The following SCUBE1 variants were observed in gnomAD, a reference collection of about 807,000 sequenced individuals.
The protein encoded by SCUBE1 is signal peptide, CUB domain and EGF like domain containing 1, also known as signal peptide, CUB and EGF-like domain-containing protein 1.
In SCUBE1, 59 loss-of-function variants were observed where a neutral mutation model predicts 124.4. The observed-to-expected ratio is 0.47, with a 90% confidence interval of 0.38 to 0.59. The LOEUF is 0.59. SCUBE1 is among the 20% of genes least tolerant of loss of function. SCUBE1 has a pLI of 0.00. For missense variants in SCUBE1, 1,150 were observed against 1,371.2 expected, an observed-to-expected ratio of 0.84 and a Z score of 2.55; for synonymous variants, 545 against 550.9, an observed-to-expected ratio of 0.99 and a Z score of 0.15.
At position 43,208,224 on chromosome 22, in the gene SCUBE1, G is replaced by A. The variant is rs372004588; in HGVS notation, c.2582C>T (p.Ala861Val). 6.2e-7 allele frequency: 1 copy of A among 1,613,884 alleles called. No individual in the cohort carries two copies. Among genetic ancestry groups the A allele is most frequent in the East Asian group, 2.2e-5 (1 of 44,884 alleles). The change falls in exon 20 of 22, where the codon GCC (alanine) becomes GTC (valine). Residue 861 changes from alanine to valine, a missense_variant and splice_region_variant. This residue lies in a region of SCUBE1 where 757 missense variants were observed against 840.9 expected (regional missense o/e 0.90). Coordinates refer to ENST00000360835, the MANE Select transcript of SCUBE1 (RefSeq NM_173050.5). ...CGDVLVMRKS[A>V]SPTSITTYET... ...ATAGGTGGTGATGGACGTGGGAGAG[G>A]CTGCGGGTGAAGCATCATTGCTGAG...
chr22:43,322,076 C>G (rs527690444), intron 2 of SCUBE1, among the ~76,000 whole-genome samples: 1 of 152,234 alleles, frequency 6.6e-6, no homozygotes, highest in East Asian at 1.9e-4. Context: ...CCTCCACCTC[C>G]TGGGTTCAAG....
In SCUBE1 at chr22:43,198,740, G is replaced by T. The variant is rs1160819464; in HGVS notation, c.*5257C>A. 2.2e-6 allele frequency: 1 copy of T among 456,562 alleles called. No homozygotes were observed. The highest frequency in any genetic ancestry group is 4.4e-6 in the Non-Finnish European group (1 of 226,862). 28.3% of individuals were successfully genotyped at this position (456,562 alleles called of 1,614,324 possible). A position where few individuals can be genotyped will look rare whatever the true frequency, so the allele number is the denominator to read the frequency against. ...AATGGCTGGACTCCCTGGGTGAGAA[G>T]GAAGGCTTCTCCCTGTGGGGCATGC... On this transcript the variant is annotated 3_prime_UTR_variant, in exon 22 of 22. Coordinates refer to ENST00000360835, the MANE Select transcript of SCUBE1 (RefSeq NM_173050.5).
chr22:43,252,304 G>A (rs905155639), intron 6 of SCUBE1, among the ~76,000 whole-genome samples: 6 of 152,162 alleles, frequency 3.9e-5, no homozygotes, highest in African/African-American at 4.8e-5. Context: ...CCACAATCCC[G>A]GCTCTGTCCT....
intron 3 of SCUBE1, among the ~76,000 whole-genome samples, chr22:43,316,032 C>T (rs1330620115): frequency 6.6e-6 from 1 of 152,114 alleles, no homozygotes; most frequent in East Asian, 1.9e-4. Flanking sequence ...CTGGTCCCCA[C>T]GAGGTCTTGG....
intron 3 of SCUBE1, chr22:43,317,121 G>A (rs191807241): frequency 1.4e-4 from 22 of 152,276 alleles, no homozygotes; most frequent in Admixed American, 1.2e-3. Flanking sequence ...CTAAGGAAAC[G>A]ATTGGGAAAA....
At chr22:43,239,416 C>T (rs539415658) in intron 6 of SCUBE1, among the ~76,000 whole-genome samples, 4 of 152,384 alleles carry the variant, frequency 2.6e-5, no homozygotes, top group South Asian at 4.1e-4. Context: ...CTTGTGGCCC[C>T]GGCCAGGGAG....
chr22:43,257,008 C>T (rs992760552), intron 6 of SCUBE1, among the ~76,000 whole-genome samples: 2 of 152,150 alleles, frequency 1.3e-5, no homozygotes, highest in African/African-American at 4.8e-5. Context: ...GGGACCATCA[C>T]CAGAAAAGCA....
chr22:43,222,565 CCCCCGCCAGCATGTTGCTGGATGCAGT>C, intron 12 of SCUBE1, 46 bp downstream of exon 12: 1 of 1,200,892 alleles, frequency 8.3e-7, no homozygotes. Flanking sequence ...GCCCTTTCCT[CCCCCGCCAGCATGTTGCTGGATGCAGT>C]CAAGTCACCC....
chr22:43,199,177 A>G lies in SCUBE1; in HGVS notation c.*4820T>C. 1 of 178,464 alleles carries G rather than the reference A, an allele frequency of 5.6e-6. No homozygotes were observed. Among genetic ancestry groups the G allele is most frequent in the East Asian group, 1.4e-4 (1 of 6,954 alleles). The allele number at this position is 178,464 out of a possible 1,614,324, so 11.1% of individuals were successfully genotyped here. On this transcript the variant is annotated 3_prime_UTR_variant, in exon 22 of 22. Transcript: ENST00000360835. The stretch of plus-strand genomic sequence containing the variant: ...CCTGGCACACAGGAGGTGCTCAGTA[A>G]ATGTTTGCGAAATGACTCAACTTAT...
intron 4 of SCUBE1, among the ~76,000 whole-genome samples, chr22:43,289,862 T>C (rs1925289805): frequency 6.6e-6 from 1 of 151,676 alleles, no homozygotes; most frequent in African/African-American, 2.4e-5. Flanking sequence ...GCGTGCCCTT[T>C]GGTTCCCCAT....
intron 21 of SCUBE1, 82 bp from the exon 22 acceptor site, chr22:43,204,231 G>T: frequency 7.7e-7 from 1 of 1,297,892 alleles, no homozygotes; most frequent in Non-Finnish European, 1.1e-6. Flanking sequence ...GGGGAGGGGA[G>T]AGAGATGCGC....
rs1386301346 is a variant in SCUBE1, at chr22:43,217,226, G to A, written c.1891+1029C>T. Among the ~76,000 whole-genome samples, 4 of 149,122 alleles carry A rather than the reference G, an allele frequency of 2.7e-5. No homozygotes were observed. In the South Asian group the frequency reaches 8.5e-4, roughly 32 times the overall value. On this transcript the variant is annotated intron_variant, in intron 15 of 21. Transcript: ENST00000360835. Reference sequence around the variant, plus strand: ...ACACCCCTGGCCAACCCTATTGTTTGAGGCTTCGGACTTGTGGCTGCAACT... The same window carrying A: ...ACACCCCTGGCCAACCCTATTGTTTAAGGCTTCGGACTTGTGGCTGCAACT...
intron 15 of SCUBE1, among the ~76,000 whole-genome samples, chr22:43,216,074 T>A (rs1165030464): frequency 2.6e-5 from 4 of 151,892 alleles, no homozygotes; most frequent in Admixed American, 1.3e-4. Flanking sequence ...TGGGATGGAG[T>A]CTCGCTCTGT....
chr22:43,306,388 C>T (rs746747431), intron 3 of SCUBE1, among the ~76,000 whole-genome samples: 11 of 152,100 alleles, frequency 7.2e-5, no homozygotes, highest in Non-Finnish European at 1.3e-4. Context: ...GTGTCTGCAG[C>T]GAGTGTTTTC....
intron 4 of SCUBE1, among the ~76,000 whole-genome samples, chr22:43,279,385 C>G (rs1924669421): frequency 6.6e-6 from 1 of 152,204 alleles, no homozygotes; most frequent in Admixed American, 6.5e-5. Context: ...ACTTAGGAGG[C>G]TGAGTGCCAG....
intron 9 of SCUBE1, among the ~76,000 whole-genome samples, chr22:43,228,503 C>A (rs888504751): frequency 2.0e-5 from 3 of 152,222 alleles, no homozygotes; most frequent in Non-Finnish European, 2.9e-5. Flanking sequence ...AATAAACCCT[C>A]AACTCCCCTG....
rs1333331336 is a variant in SCUBE1 at position 43,227,506 on chromosome 22, C to T, written c.1085-10G>A. 2 of 1,610,480 alleles carry T rather than the reference C, an allele frequency of 1.2e-6. No individual in the cohort carries two copies. Among genetic ancestry groups the T allele is most frequent in the Non-Finnish European group, 1.7e-6 (2 of 1,179,312 alleles). On this transcript the variant is annotated splice_polypyrimidine_tract_variant and intron_variant, in intron 9 of 21. Coordinates refer to ENST00000360835, the MANE Select transcript of SCUBE1 (RefSeq NM_173050.5). Reference sequence around the variant, plus strand: ...CTGCACTCGTCCACATCTGGAAGCACAGCGGGCGTAAGGGCAGAGGGGAGG... The same window carrying T: ...CTGCACTCGTCCACATCTGGAAGCATAGCGGGCGTAAGGGCAGAGGGGAGG...
rs375450262 is a variant in SCUBE1 at position 43,339,098 on chromosome 22, A to G, written c.220+6T>C. 1.4e-5 allele frequency: 22 copies of G among 1,613,456 alleles called. No homozygotes were observed. The highest frequency in any genetic ancestry group is 1.6e-5 in the Non-Finnish European group (19 of 1,179,568). On this transcript the variant is annotated splice_donor_region_variant and intron_variant, in intron 2 of 21. Transcript: ENST00000360835. ...GGTCTGCCCGGGAGGGCCGGGCTGG[A>G]CTCACCTTCACACTGCTTGCCTTCC...
intron 4 of SCUBE1, among the ~76,000 whole-genome samples, chr22:43,275,590 G>A (rs899599327): frequency 9.2e-5 from 14 of 152,230 alleles, no homozygotes; most frequent in African/African-American, 3.4e-4. Context: ...CAAGTAAAGA[G>A]GAAGACGTGC....
Sources: gnomAD v4.1 joint callset for allele counts (sites outside exome capture counted in the v4.1 genomes callset) on GRCh38, gnomAD v4.1.1 for gene constraint, gnomAD v4.1.1 regional missense constraint, MANE v1.5 for transcripts, NCBI Gene and HGNC (gene_info 2026-07-23, HGNC 2026-07-21) for gene names.